AGBL4: variants seen among roughly 807,000 people sequenced by gnomAD.
AGBL4 encodes the protein cytosolic carboxypeptidase 6.
A neutral mutation model predicts 66.4 loss-of-function variants in AGBL4; 58 were observed. The observed-to-expected ratio is 0.87, with a 90% confidence interval of 0.71 to 1.09. The LOEUF (loss-of-function observed/expected upper bound fraction) is 1.09, where lower values mean the gene tolerates loss of function less well. Ranked by LOEUF, AGBL4 falls within the 50% of genes least tolerant of loss-of-function variation. AGBL4 has a pLI of 0.00. For missense variants in AGBL4, 579 were observed against 631.0 expected (o/e 0.92, Z 0.88); for synonymous variants, 234 against 222.9 (o/e 1.05, Z -0.44).
intron 3 of AGBL4, among the ~76,000 whole-genome samples, chr1:49,671,248 CAATA>C (rs1474222647): frequency 6.6e-6 from 1 of 152,028 alleles, no homozygotes; most frequent in African/African-American, 2.4e-5. Flanking sequence ...ATTTCCTATT[CAATA>C]AATAGTGCTG....
chr1:49,727,805 A>G (rs1307829518), intron 2 of AGBL4, among the ~76,000 whole-genome samples: 1 of 152,162 alleles, frequency 6.6e-6, no homozygotes, highest in African/African-American at 2.4e-5. Flanking sequence ...CAGGTATCCC[A>G]TAAAAACTCC....
intron 6 of AGBL4, among the ~76,000 whole-genome samples, chr1:48,782,961 T>C (rs1314214538): frequency 6.6e-6 from 1 of 152,238 alleles, no homozygotes; most frequent in African/African-American, 2.4e-5. Flanking sequence ...ACCACTGATC[T>C]TTTTACTGTC....
chr1:49,989,413 A>G (rs1183635451), intron 1 of AGBL4, among the ~76,000 whole-genome samples: 1 of 152,192 alleles, frequency 6.6e-6, no homozygotes, highest in African/African-American at 2.4e-5. Flanking sequence ...CAGCAGAGAC[A>G]TGGTACATAG....
chr1:49,928,757 C>T (rs780971150), intron 1 of AGBL4, among the ~76,000 whole-genome samples: 1 of 151,948 alleles, frequency 6.6e-6, no homozygotes, highest in Non-Finnish European at 1.5e-5. Flanking sequence ...TAAAGAAAAT[C>T]CTTTCTCAAA....
At chr1:49,738,947 G>T (rs927350221) in intron 2 of AGBL4, among the ~76,000 whole-genome samples, 2 of 152,164 alleles carry the variant, frequency 1.3e-5, no homozygotes, top group African/African-American at 4.8e-5. Context: ...AAACCACAAA[G>T]ATGGGGAAAA....
At chr1:49,534,171 CAA>C (rs71059553) in intron 3 of AGBL4, among the ~76,000 whole-genome samples, 1 of 67,060 alleles carries the variant, frequency 1.5e-5, no homozygotes, top group Non-Finnish European at 2.6e-5. Context: ...CACCATTTTA[CAA>C]AAAAAAAAAA....
At chr1:49,736,031 G>A (rs1363757794) in intron 2 of AGBL4, among the ~76,000 whole-genome samples, 1 of 151,992 alleles carries the variant, frequency 6.6e-6, no homozygotes, top group Non-Finnish European at 1.5e-5. Context: ...TAGAGCCACA[G>A]AAATCTTTGG....
intron 4 of AGBL4, among the ~76,000 whole-genome samples, chr1:49,063,583 T>A (rs1037967837): frequency 4.6e-5 from 7 of 152,208 alleles, no homozygotes; most frequent in African/African-American, 1.4e-4. Context: ...ATAAATTAGT[T>A]TATAAAACAA....
chr1:49,110,973 C>T (rs1645394805), intron 4 of AGBL4, among the ~76,000 whole-genome samples: 1 of 152,096 alleles, frequency 6.6e-6, no homozygotes, highest in African/African-American at 2.4e-5. Flanking sequence ...AAAAGCATAT[C>T]AATTTGGATA....
At chr1:49,845,208 C>T (rs1489004586) in intron 2 of AGBL4, 2 of 1,480,308 alleles carry the variant, frequency 1.4e-6, no homozygotes, top group East Asian at 4.5e-5. Flanking sequence ...CGGCACTTAC[C>T]AAACACCAGA....
chr1:48,662,356 A>G (rs561978759), intron 7 of AGBL4, among the ~76,000 whole-genome samples: 1 of 152,326 alleles, frequency 6.6e-6, no homozygotes, highest in Non-Finnish European at 1.5e-5. Context: ...GGCACAGCCA[A>G]TACTTGACCT....
chr1:48,758,642 C>G (rs968931282), intron 6 of AGBL4, among the ~76,000 whole-genome samples: 4 of 152,202 alleles, frequency 2.6e-5, no homozygotes, highest in African/African-American at 9.6e-5. Context: ...TGAGCAGTGA[C>G]AAATATTTTG....
chr1:49,554,977 A>C (rs1247243415), intron 3 of AGBL4, among the ~76,000 whole-genome samples: 1 of 152,176 alleles, frequency 6.6e-6, no homozygotes, highest in African/African-American at 2.4e-5. Context: ...GGCAGCACGG[A>C]CCCAAAGAGT....
intron 3 of AGBL4, among the ~76,000 whole-genome samples, chr1:49,409,953 A>G (rs2148625457): frequency 6.6e-6 from 1 of 152,324 alleles, no homozygotes; most frequent in African/African-American, 2.4e-5. Flanking sequence ...AAGAAGACAT[A>G]CAGAATCTTG....
intron 1 of AGBL4, among the ~76,000 whole-genome samples, chr1:49,864,462 A>G (rs1446275390): frequency 6.6e-6 from 1 of 152,204 alleles, no homozygotes; most frequent in African/African-American, 2.4e-5. Context: ...TGAATCCTGC[A>G]TCGGCAACTG....
the AGBL4 span, among the ~76,000 whole-genome samples, chr1:48,523,765 G>A: frequency 6.6e-6 from 1 of 152,154 alleles, no homozygotes; most frequent in Admixed American, 6.5e-5. Context: ...GATACGTTCT[G>A]AGAAATGCAT....
chr1:49,687,570 A>C (rs996228748), intron 3 of AGBL4, among the ~76,000 whole-genome samples: 3 of 151,974 alleles, frequency 2.0e-5, no homozygotes, highest in Non-Finnish European at 2.9e-5. Context: ...TCAGGAGTTC[A>C]AGACCAGCCT....
chr1:49,753,224 T>A (rs1417151794), intron 2 of AGBL4, among the ~76,000 whole-genome samples: 1 of 152,234 alleles, frequency 6.6e-6, no homozygotes, highest in Non-Finnish European at 1.5e-5. Flanking sequence ...GCTTTCCATA[T>A]TTAGTGCTTC....
chr1:49,372,104 A>G (rs1461633567), intron 3 of AGBL4, among the ~76,000 whole-genome samples: 1 of 152,142 alleles, frequency 6.6e-6, no homozygotes, highest in Non-Finnish European at 1.5e-5. Context: ...CTTAGAAGAC[A>G]TTACAGAAAG....
Sources: gnomAD v4.1 joint callset for allele counts (sites outside exome capture counted in the v4.1 genomes callset) on GRCh38, gnomAD v4.1.1 for gene constraint, MANE v1.5 for transcripts, NCBI Gene and HGNC (gene_info 2026-07-23, HGNC 2026-07-21) for gene names.